Variants in NCKAP5 observed in about 807,000 individuals in gnomAD.
The protein encoded by NCKAP5 is nck-associated protein 5.
In NCKAP5, 92 loss-of-function variants were observed where a neutral mutation model predicts 167.0. The observed-to-expected ratio is 0.55, with a 90% CI of 0.47 to 0.66. The LOEUF (loss-of-function observed/expected upper bound fraction) is 0.66, where lower values mean the gene tolerates loss of function less well. Among genes scored for constraint, NCKAP5 ranks in the 30% least tolerant of loss-of-function variants. NCKAP5 has a pLI of 0.00. For missense variants in NCKAP5, 2,378 were observed against 2,315.0 expected, an observed-to-expected ratio of 1.03 and a Z score of -0.56; for synonymous variants, 891 against 877.4, an observed-to-expected ratio of 1.02 and a Z score of -0.27.
chr2:133,503,962 GA>G (rs1359686956), intron 3 of NCKAP5, among the ~76,000 whole-genome samples: 4 of 152,076 alleles, frequency 2.6e-5, no homozygotes, highest in African/African-American at 9.7e-5. Flanking sequence ...CCTCTGAATA[GA>G]AACTCCCTCT....
chr2:133,598,559 C>T, the NCKAP5 span, among the ~76,000 whole-genome samples: 1 of 152,136 alleles, frequency 6.6e-6, no homozygotes, highest in African/African-American at 2.4e-5. Context: ...GAAATGGAGC[C>T]CAATGAAAGA....
intron 6 of NCKAP5, among the ~76,000 whole-genome samples, chr2:133,030,213 G>A: frequency 6.6e-6 from 1 of 152,136 alleles, no homozygotes; most frequent in East Asian, 1.9e-4. Context: ...CTGTGAGATG[G>A]GAATGACCTT....
At chr2:133,542,019 G>C (rs1481939797) in intron 2 of NCKAP5, among the ~76,000 whole-genome samples, 1 of 152,104 alleles carries the variant, frequency 6.6e-6, no homozygotes, top group Non-Finnish European at 1.5e-5. Context: ...CTTCAGGACT[G>C]AATTCTCTCA....
At chr2:133,033,835 A>G (rs772701346) in intron 6 of NCKAP5, among the ~76,000 whole-genome samples, 1 of 152,046 alleles carries the variant, frequency 6.6e-6, no homozygotes, top group Non-Finnish European at 1.5e-5. Flanking sequence ...GAAAGAAAAA[A>G]GAATAAAAAA....
chr2:132,970,680 A>G (rs1215037636), intron 7 of NCKAP5, among the ~76,000 whole-genome samples: 1 of 152,156 alleles, frequency 6.6e-6, no homozygotes, highest in Admixed American at 6.5e-5. Flanking sequence ...AAGTTTCCCT[A>G]AGTGGTATCT....
chr2:133,087,430 G>A (rs149269261), intron 6 of NCKAP5, among the ~76,000 whole-genome samples: 59 of 152,316 alleles, frequency 3.9e-4, no homozygotes, highest in African/African-American at 9.6e-4. Flanking sequence ...CTGATGGAGC[G>A]AGATGGTGTA....
intron 3 of NCKAP5, among the ~76,000 whole-genome samples, chr2:133,413,863 C>T (rs1023062204): frequency 6.6e-6 from 1 of 152,142 alleles, no homozygotes; most frequent in African/African-American, 2.4e-5. Flanking sequence ...TGTCTGGTCC[C>T]AATGGACATT....
chr2:133,006,101 A>T (rs1559042667), intron 6 of NCKAP5, among the ~76,000 whole-genome samples: 1 of 151,356 alleles, frequency 6.6e-6, no homozygotes, highest in African/African-American at 2.4e-5. Context: ...TACAAAAAAT[A>T]AAAAAAAATT....
In NCKAP5 at chr2:133,534,482, G is replaced by C. The variant is rs11898770; in HGVS notation, c.-61-16895C>G. ...AAGAAACCCCATACGCATCAGCAGT[G>C]CTTCTCCATCCCCTACCCCTTACCC... On this transcript the variant is annotated intron_variant, in intron 2 of 19. Transcript: ENST00000409261. Among the ~76,000 whole-genome samples, 1,234 of 152,174 alleles carry C rather than the reference G, an allele frequency of 8.1e-3. 17 individuals are homozygous for C. The highest frequency in any genetic ancestry group is 0.028 in the African/African-American group (1,145 of 41,504).
At chr2:133,355,382 C>A (rs1421939413) in intron 3 of NCKAP5, among the ~76,000 whole-genome samples, 1 of 152,194 alleles carries the variant, frequency 6.6e-6, no homozygotes, top group Non-Finnish European at 1.5e-5. Context: ...GACAAATCAA[C>A]TTATTATGAT....
intron 2 of NCKAP5, among the ~76,000 whole-genome samples, chr2:133,548,816 T>A (rs1441542240): frequency 6.6e-6 from 1 of 151,584 alleles, no homozygotes; most frequent in African/African-American, 2.4e-5. Flanking sequence ...AGAAACTACA[T>A]CAACTAACGA....
At chr2:133,666,359 G>C in the NCKAP5 span, among the ~76,000 whole-genome samples, 1 of 151,470 alleles carries the variant, frequency 6.6e-6, no homozygotes, top group Non-Finnish European at 1.5e-5. Flanking sequence ...CACCATGCCC[G>C]GCTAATTTTT....
chr2:133,338,759 G>A (rs1034763860), intron 3 of NCKAP5, among the ~76,000 whole-genome samples: 6 of 152,144 alleles, frequency 3.9e-5, no homozygotes, highest in Non-Finnish European at 8.8e-5. Flanking sequence ...TGTAATCCTA[G>A]CACTTTGGGA....
At chr2:132,924,906 AT>A (rs58999313) in intron 8 of NCKAP5, among the ~76,000 whole-genome samples, 121 of 150,296 alleles carry the variant, frequency 8.1e-4, no homozygotes, top group African/African-American at 2.3e-3. Flanking sequence ...ATTGGGATAG[AT>A]TTTTTTTTTA....
intron 10 of NCKAP5, among the ~76,000 whole-genome samples, chr2:132,868,411 A>T (rs1007303704): frequency 6.6e-6 from 1 of 152,204 alleles, no homozygotes; most frequent in Non-Finnish European, 1.5e-5. Flanking sequence ...AGTGGTTACC[A>T]TTATTTTATA....
chr2:132,876,621 T>C (rs967482782), intron 9 of NCKAP5, among the ~76,000 whole-genome samples: 1 of 152,222 alleles, frequency 6.6e-6, no homozygotes, highest in African/African-American at 2.4e-5. Context: ...TAATTAGTTA[T>C]AAAACAACCT....
rs34818543 is a variant in NCKAP5 at position 133,172,640 on chromosome 2, G to GTT, written c.207+41074_207+41075dup. On this transcript the variant is annotated intron_variant, in intron 5 of 19. Coordinates refer to ENST00000409261, the MANE Select transcript of NCKAP5 (RefSeq NM_207363.3). ...TGCCCACCACCACATCTGGCTAATC[G>GTT]TTTTTTTTTTGTTGTTGTTGTTTTT... Among the ~76,000 whole-genome samples, 190 of 148,598 alleles carry GTT rather than the reference G, an allele frequency of 1.3e-3. 2 individuals carry two copies. The highest frequency in any genetic ancestry group is 6.9e-3 in the Middle Eastern group (2 of 290).
intron 8 of NCKAP5, chr2:132,915,532 T>C (rs34754965): frequency 0.36 from 54,306 of 151,912 alleles, 13,567 homozygotes; most frequent in African/African-American, 0.67. Flanking sequence ...TCAGGATAAG[T>C]AGTTCTGGAA....
the NCKAP5 span, among the ~76,000 whole-genome samples, chr2:133,641,552 T>C: frequency 6.6e-6 from 1 of 152,232 alleles, no homozygotes; most frequent in Non-Finnish European, 1.5e-5. Flanking sequence ...TCCATAGTCA[T>C]GTCCTGTTCC....
Sources: allele counts gnomAD v4.1 joint callset (sites outside exome capture counted in the v4.1 genomes callset), GRCh38; gene constraint gnomAD v4.1.1; transcripts MANE v1.5; gene names NCBI Gene and HGNC (gene_info 2026-07-23, HGNC 2026-07-21).